GATA6: variants seen among roughly 807,000 people sequenced by gnomAD.
The protein encoded by GATA6 is GATA binding protein 6.
Under a neutral mutation model 48.1 loss-of-function variants are expected in GATA6, and 11 were observed. The ratio of observed to expected loss-of-function variants is 0.23; its 90% CI spans 0.14 to 0.38. GATA6 has a LOEUF of 0.38. GATA6 is among the 10% of genes least tolerant of loss of function. The pLI is 1.00. For synonymous variants in GATA6, 419 were observed against 396.1 expected (o/e 1.06, Z -0.69); for missense variants, 795 against 850.3 (o/e 0.93, Z 0.81).
chr18:22,172,770 A>G lies in GATA6; in HGVS notation c.1135+491A>G, dbSNP rs904773935. 6.6e-6 allele frequency among the ~76,000 whole-genome samples: 1 copy of G among 152,204 alleles called. No individual in the cohort carries two copies. The highest frequency in any genetic ancestry group is 1.5e-5 in the Non-Finnish European group (1 of 68,028). On this transcript the variant is annotated intron_variant, in intron 2 of 6. Coordinates refer to ENST00000269216, the MANE Select transcript of GATA6 (RefSeq NM_005257.6). This position sits in a 1 kb window ranked among gnomAD's most constrained non-coding sequence, Gnocchi z 5.2. ...AGGCTCACCCAGTTTAACTCTCCAA[A>G]GGGTGCGTGTTTGTGTTTTCCTAGA...
rs1270889195 is a variant in GATA6, at chr18:22,172,165, G to A, written c.1021G>A (p.Val341Met). Residue 341 changes from valine to methionine, a missense_variant, in exon 2 of 7, where the codon GTG becomes ATG. By Grantham distance (21) the Val-to-Met change is conservative (BLOSUM62 1). Around this residue, in one of 5 missense-constraint regions of GATA6, gnomAD observed 591 missense variants for 570.0 expected, o/e 1.04. Coordinates refer to ENST00000269216, the MANE Select transcript of GATA6 (RefSeq NM_005257.6). This position sits in a 1 kb window ranked among gnomAD's most constrained non-coding sequence, Gnocchi z 5.2. Reference protein sequence around the residue: ...HHHPSPYSPYVGAPLTPAWPA... With the variant: ...HHHPSPYSPYMGAPLTPAWPA... ...CCATCCGAGCCCCTACTCGCCCTAC[G>A]TGGGGGCGCCACTGACGCCTGCCTG... 9 of 1,501,420 alleles carry A rather than the reference G, an allele frequency of 6.0e-6. No homozygotes were observed. Among genetic ancestry groups the A allele is most frequent in the Admixed American group, 2.0e-5 (1 of 49,808 alleles). 93.0% of individuals were successfully genotyped at this position (1,501,420 alleles called of 1,614,324 possible). A position where few individuals can be genotyped will look rare whatever the true frequency, so the allele number is the denominator to read the frequency against.
At position 22,181,518 on chromosome 18, in the gene GATA6, C is replaced by T; in HGVS notation, c.1368C>T (p.Arg456=). The change falls in exon 4 of 7, where the codon CGC becomes CGT. Residue 456 remains arginine, a synonymous_variant. Coordinates refer to ENST00000269216, the MANE Select transcript of GATA6 (RefSeq NM_005257.6). ...NCHTTTTTLW[R]RNAEGEPVCN... ...ACACCACAACTACCACCTTATGGCG[C>T]AGAAACGCCGAGGGTGAACCCGTGT... is the stretch of plus-strand genomic sequence containing the variant. 3 of 1,614,186 alleles carry T rather than the reference C, an allele frequency of 1.9e-6. No homozygotes were observed. Among genetic ancestry groups the T allele is most frequent in the Non-Finnish European group, 2.5e-6 (3 of 1,180,024 alleles).
chr18:22,176,838 A>AAGG, intron 2 of GATA6, 117 bp from the exon 3 acceptor site: 1 of 1,211,198 alleles, frequency 8.3e-7, no homozygotes, highest in Non-Finnish European at 1.1e-6. Flanking sequence ...CTCAGCCGGG[A>AAGG]AGGGCACGGG....
At position 22,172,125 on chromosome 18, in the gene GATA6, C is replaced by T; in HGVS notation, c.981C>T (p.His327=). ...TGAACGGGACGTACCACCACCACCACCACCACCACCACCACCATCCGAGCC... is the reference window on the plus strand; with the variant it reads ...TGAACGGGACGTACCACCACCACCATCACCACCACCACCACCATCCGAGCC... ...RPLNGTYHHH[H]HHHHHHPSPY... The change falls in exon 2 of 7, where the codon CAC becomes CAT. Residue 327 remains histidine, a synonymous_variant. Transcript: ENST00000269216. This position sits in a 1 kb window ranked among gnomAD's most constrained non-coding sequence, Gnocchi z 5.2. 10 of 1,519,562 alleles carry T rather than the reference C, an allele frequency of 6.6e-6. No homozygotes were observed. Among genetic ancestry groups the T allele is most frequent in the Non-Finnish European group, 8.8e-6 (10 of 1,139,448 alleles). 94.1% of individuals were successfully genotyped at this position (1,519,562 alleles called of 1,614,324 possible). A position where few individuals can be genotyped will look rare whatever the true frequency, so the allele number is the denominator to read the frequency against.
At chr18:22,196,940 G>A (rs962515158) in intron 6 of GATA6, among the ~76,000 whole-genome samples, 1 of 152,052 alleles carries the variant, frequency 6.6e-6, no homozygotes, top group African/African-American at 2.4e-5. Flanking sequence ...TTGGGCTGAA[G>A]GATAGAATGA....
intron 4 of GATA6, among the ~76,000 whole-genome samples, chr18:22,182,504 T>C (rs1307163032): frequency 6.6e-6 from 1 of 152,130 alleles, no homozygotes; most frequent in Non-Finnish European, 1.5e-5. Context: ...ATTACAGGCA[T>C]GCGCCAACAA....
chr18:22,176,941 C>G lies in GATA6; in HGVS notation c.1136-14C>G. On this transcript the variant is annotated splice_polypyrimidine_tract_variant and intron_variant, in intron 2 of 6. Transcript: ENST00000269216. ...CGCGCCCACTCCCGCCCTCACGCAC[C>G]GCTGTCGCCGCAGACCTGCTGGAGG... 1 of 1,539,688 alleles carries G rather than the reference C, an allele frequency of 6.5e-7. No individual in the cohort carries two copies. The highest frequency in any genetic ancestry group is 8.7e-7 in the Non-Finnish European group (1 of 1,147,704).
At chr18:22,181,629 A>G (rs770436209) in intron 4 of GATA6, 51 bp downstream of exon 4, 1 of 1,602,290 alleles carries the variant, frequency 6.2e-7, no homozygotes, top group Non-Finnish European at 8.5e-7. Flanking sequence ...TCTGGTTTGT[A>G]TGTGATATCA....
At position 22,182,175 on chromosome 18, in the gene GATA6, A is replaced by G. The variant is rs776229795; in HGVS notation, c.1429-582A>G. Reference sequence around the variant, plus strand: ...ATCTCTTTGAAATAATACTTCTTCAATGAATAGCTACTCATTTCAAACAAT... The same window carrying G: ...ATCTCTTTGAAATAATACTTCTTCAGTGAATAGCTACTCATTTCAAACAAT... On this transcript the variant is annotated intron_variant, in intron 4 of 6. Transcript: ENST00000269216. Among the ~76,000 whole-genome samples, 29 of 152,312 alleles carry G rather than the reference A, an allele frequency of 1.9e-4. No homozygotes were observed. In the Middle Eastern group the frequency reaches 0.01, roughly 54 times the overall value.
chr18:22,176,241 C>T (rs2033119861), intron 2 of GATA6, among the ~76,000 whole-genome samples: 1 of 152,078 alleles, frequency 6.6e-6, no homozygotes, highest in South Asian at 2.1e-4. Flanking sequence ...GCAGTTGGAC[C>T]CACTTCTAAA....
rs1467999253 is a variant in GATA6, at chr18:22,171,056, C to G, written c.-37-52C>G. 3 of 1,147,054 alleles carry G rather than the reference C, an allele frequency of 2.6e-6. No individual in the cohort carries two copies. The highest frequency in any genetic ancestry group is 3.0e-5 in the African/African-American group (2 of 66,198). 71.1% of individuals were successfully genotyped at this position (1,147,054 alleles called of 1,614,324 possible). ...GGCGAGGTAGCGTGCAGCCTACGCT[C>G]TTGTTAACCCGTCGATCTCCTACCA... On this transcript the variant is annotated intron_variant, in intron 1 of 6. Transcript: ENST00000269216. This position sits in a 1 kb window ranked among gnomAD's most constrained non-coding sequence, Gnocchi z 7.1.
intron 6 of GATA6, among the ~76,000 whole-genome samples, chr18:22,191,143 A>G (rs2033324044): frequency 6.6e-6 from 1 of 151,566 alleles, no homozygotes; most frequent in South Asian, 2.1e-4. Context: ...GGCTTTGTAC[A>G]TTAGGAAACA....
intron 6 of GATA6, among the ~76,000 whole-genome samples, chr18:22,187,182 A>G (rs2033273011): frequency 6.6e-6 from 1 of 152,192 alleles, no homozygotes; most frequent in South Asian, 2.1e-4. Flanking sequence ...ATCTAAATAG[A>G]TATCAGTTTT....
chr18:22,174,548 T>TA (rs1383526786), intron 2 of GATA6, among the ~76,000 whole-genome samples: 1 of 152,014 alleles, frequency 6.6e-6, no homozygotes, highest in Admixed American at 6.5e-5. Flanking sequence ...TAAGTATGTT[T>TA]AAAAAAATGG....
Position 22,185,032 on chromosome 18 carries a change from G to A in GATA6, c.1620+1989G>A, listed in dbSNP as rs566947955. ...ATATATACCCAACAATGGGCTTCGG[G>A]GACTTGGAACCATTGTGGGTGGAGT... On this transcript the variant is annotated intron_variant, in intron 6 of 6. Transcript: ENST00000269216. This position sits in a 1 kb window ranked among gnomAD's most constrained non-coding sequence, Gnocchi z 4.3. 2.6e-5 allele frequency among the ~76,000 whole-genome samples: 4 copies of A among 152,244 alleles called. No homozygotes were observed. The South Asian group carries it at 8.3e-4, about 32-fold the overall frequency.
rs558559787 is a variant in GATA6, at chr18:22,187,172, A to T, written c.1620+4129A>T. 2.0e-5 allele frequency among the ~76,000 whole-genome samples: 3 copies of T among 152,300 alleles called. No individual in the cohort carries two copies. The East Asian group carries it at 5.8e-4, about 29-fold the overall frequency. On this transcript the variant is annotated intron_variant, in intron 6 of 6. Coordinates refer to ENST00000269216, the MANE Select transcript of GATA6 (RefSeq NM_005257.6). ...TTACTAAAAAATGTATATTTAGTTG[A>T]TCTAAATAGATATCAGTTTTTCTTT... is the stretch of plus-strand genomic sequence containing the variant.
rs762641247 is a variant in GATA6 at position 22,171,267 on chromosome 18, C to T, written c.123C>T (p.Ser41=). The part of the protein sequence containing the change: ...EPSTPPSPIS[S]SSSSCSRGGE... ...CCACGCCGCCTTCCCCCATCTCTTC[C>T]TCGTCCTCCTCCTGCTCCCGGGGCG... The change falls in exon 2 of 7, where the codon TCC becomes TCT. Residue 41 remains serine (S), a synonymous_variant. Coordinates refer to ENST00000269216, the MANE Select transcript of GATA6 (RefSeq NM_005257.6). This position sits in a 1 kb window ranked among gnomAD's most constrained non-coding sequence, Gnocchi z 7.1. 15 of 1,597,348 alleles carry T rather than the reference C, an allele frequency of 9.4e-6. No individual in the cohort carries two copies. The highest frequency in any genetic ancestry group is 1.2e-5 in the Non-Finnish European group (14 of 1,178,336).
chr18:22,171,265 T>C lies in GATA6; in HGVS notation c.121T>C (p.Ser41Pro). 1 of 1,597,246 alleles carries C rather than the reference T, an allele frequency of 6.3e-7. No individual in the cohort carries two copies. The highest frequency in any genetic ancestry group is 8.5e-7 in the Non-Finnish European group (1 of 1,178,268). The stretch of plus-strand genomic sequence containing the variant: ...CTCCACGCCGCCTTCCCCCATCTCT[T>C]CCTCGTCCTCCTCCTGCTCCCGGGG... Reference protein sequence around the residue: ...EPSTPPSPISSSSSSCSRGGE... With the variant: ...EPSTPPSPISPSSSSCSRGGE... The change falls in exon 2 of 7, where the codon TCC becomes CCC. Residue 41 changes from serine to proline, a missense_variant. Around this residue, in one of 5 missense-constraint regions of GATA6, gnomAD observed 591 missense variants for 570.0 expected, o/e 1.04. Coordinates refer to ENST00000269216, the MANE Select transcript of GATA6 (RefSeq NM_005257.6). This position sits in a 1 kb window ranked among gnomAD's most constrained non-coding sequence, Gnocchi z 7.1.
intron 2 of GATA6, chr18:22,175,707 A>G (rs1454171459): frequency 6.6e-6 from 1 of 152,240 alleles, no homozygotes; most frequent in Non-Finnish European, 1.5e-5. Context: ...TGCTAAAGTC[A>G]TATTTAAATA....
Sources: allele counts gnomAD v4.1 joint callset (sites outside exome capture counted in the v4.1 genomes callset), GRCh38; gene constraint gnomAD v4.1.1; regional missense constraint gnomAD v4.1.1; non-coding constraint Gnocchi (gnomAD v3.1); transcripts MANE v1.5; gene names NCBI Gene and HGNC (gene_info 2026-07-23, HGNC 2026-07-21).